B4GALT6: variants seen among roughly 807,000 people sequenced by gnomAD.
The protein encoded by B4GALT6 is UDP-Gal:beta-GlcNAc beta-1,4-galactosyltransferase 6.
B4GALT6 carries 14 observed loss-of-function variants against 46.3 expected under a neutral mutation model. That is an observed-to-expected ratio of 0.30 (90% CI 0.20 to 0.47). The LOEUF (loss-of-function observed/expected upper bound fraction) is 0.47, where lower values mean the gene tolerates loss of function less well. Among genes scored for constraint, B4GALT6 ranks in the 20% least tolerant of loss-of-function variants. The pLI, the probability that B4GALT6 is intolerant of heterozygous loss-of-function variation, is 0.99. For synonymous variants in B4GALT6, 168 were observed against 162.0 expected (o/e 1.04, Z -0.28); for missense variants, 386 against 480.1 (o/e 0.80, Z 1.83).
chr18:31,654,187 A>G (rs941317132), intron 3 of B4GALT6, among the ~76,000 whole-genome samples: 9 of 152,238 alleles, frequency 5.9e-5, no homozygotes, highest in Non-Finnish European at 1.3e-4. Flanking sequence ...TTCTATTTGA[A>G]TAAGAATTAA....
chr18:31,648,073 G>A (rs1005564229), intron 3 of B4GALT6, among the ~76,000 whole-genome samples: 1 of 152,146 alleles, frequency 6.6e-6, no homozygotes, highest in Non-Finnish European at 1.5e-5. Flanking sequence ...ACCATCAACT[G>A]GGCCAGTCCC....
At chr18:31,635,238 CAA>C (rs1428991344) in intron 5 of B4GALT6, among the ~76,000 whole-genome samples, 1 of 149,476 alleles carries the variant, frequency 6.7e-6, no homozygotes, top group East Asian at 2.0e-4. Context: ...ACAAAACAAA[CAA>C]ACAAACAAAA....
chr18:31,684,042 G>C (rs8089728), intron 1 of B4GALT6, among the ~76,000 whole-genome samples: 20,745 of 152,152 alleles, frequency 0.14, 1,539 homozygotes, highest in African/African-American at 0.18. Flanking sequence ...AGGGCATCCC[G>C]GGCCATCACA....
At chr18:31,637,207 G>A (rs1344192327) in intron 5 of B4GALT6, among the ~76,000 whole-genome samples, 1 of 152,194 alleles carries the variant, frequency 6.6e-6, no homozygotes, top group Non-Finnish European at 1.5e-5. Flanking sequence ...AATTAACTAT[G>A]TTAAAGAATT....
rs568302939 is a variant in B4GALT6, at chr18:31,659,226, A to G, written c.233-1137T>C. Among the ~76,000 whole-genome samples the G allele has an allele frequency of 2.6e-5, 4 of 152,350 alleles. No individual in the cohort carries two copies. In the South Asian group the frequency reaches 8.3e-4, roughly 32 times the overall value. ...TGAGTAATCTGCTCCAATGAGAGAC[A>G]ATGTAGAAGCTAAACCCTCTGACCA... On this transcript the variant is annotated intron_variant, in intron 2 of 8. Coordinates refer to ENST00000306851, the MANE Select transcript of B4GALT6 (RefSeq NM_004775.5).
chr18:31,641,873 A>C (rs2073934630), intron 4 of B4GALT6, among the ~76,000 whole-genome samples: 1 of 152,138 alleles, frequency 6.6e-6, no homozygotes, highest in Admixed American at 6.5e-5. Flanking sequence ...GTATCACATC[A>C]ATTTCTCCCA....
At chr18:31,633,574 C>T (rs1234682834) in intron 5 of B4GALT6, among the ~76,000 whole-genome samples, 2 of 152,154 alleles carry the variant, frequency 1.3e-5, no homozygotes, top group Non-Finnish European at 2.9e-5. Flanking sequence ...ATCTACCTAA[C>T]ACAGGATAAT....
upstream of B4GALT6, among the ~76,000 whole-genome samples, chr18:31,685,338 G>A (rs2074534529): frequency 1.3e-5 from 2 of 151,588 alleles, no homozygotes; most frequent in Admixed American, 6.6e-5. Flanking sequence ...AGCAGAGGCC[G>A]AGCGCCGTCG....
chr18:31,693,363 C>T, the B4GALT6 span, among the ~76,000 whole-genome samples: 44 of 152,100 alleles, frequency 2.9e-4, no homozygotes, highest in African/African-American at 1.1e-3. Flanking sequence ...GAGAAAAGTC[C>T]TATTAACAGA....
the B4GALT6 span, among the ~76,000 whole-genome samples, chr18:31,712,303 T>C: frequency 2.3e-5 from 3 of 132,498 alleles, no homozygotes; most frequent in Admixed American, 7.7e-5. Flanking sequence ...TTTTTTTTTT[T>C]TTTTTTTTTT....
chr18:31,625,976 T>C (rs2073691096), intron 8 of B4GALT6, among the ~76,000 whole-genome samples: 1 of 152,210 alleles, frequency 6.6e-6, no homozygotes, highest in Non-Finnish European at 1.5e-5. Context: ...TTTTGCACTT[T>C]TACAATTAGA....
At chr18:31,702,900 T>C in the B4GALT6 span, among the ~76,000 whole-genome samples, 2 of 152,144 alleles carry the variant, frequency 1.3e-5, no homozygotes, top group Non-Finnish European at 2.9e-5. Context: ...TGCAGCACAA[T>C]ACTTTTCAAA....
In B4GALT6 at chr18:31,650,571, C is replaced by T. The variant is rs117208405; in HGVS notation, c.347-5092G>A. On this transcript the variant is annotated intron_variant, in intron 3 of 8. Coordinates refer to ENST00000306851, the MANE Select transcript of B4GALT6 (RefSeq NM_004775.5). ...AGTGGCAGCAGGAGATGCTTCAAAG[C>T]GGTCTGAGCCTTGTTCTGGCTGCTC... 4.8e-3 allele frequency among the ~76,000 whole-genome samples: 730 copies of T among 152,316 alleles called. 11 individuals carry two copies. Among genetic ancestry groups the T allele is most frequent in the Admixed American group, 0.033 (498 of 15,298 alleles).
rs576398101 is a variant in B4GALT6, at chr18:31,626,023, G to A, written c.1001+260C>T. Reference sequence around the variant, plus strand: ...AATAAAACATTATGCTTTATGTTACGTAAATACTTTTACATAAATAGTTAA... The same window carrying A: ...AATAAAACATTATGCTTTATGTTACATAAATACTTTTACATAAATAGTTAA... On this transcript the variant is annotated intron_variant, in intron 8 of 8. Coordinates refer to ENST00000306851, the MANE Select transcript of B4GALT6 (RefSeq NM_004775.5). 1.8e-4 allele frequency among the ~76,000 whole-genome samples: 28 copies of A among 152,158 alleles called. No individual in the cohort carries two copies. The East Asian group carries it at 4.4e-3, about 24-fold the overall frequency.
At chr18:31,666,121 A>G in intron 2 of B4GALT6, 135 bp downstream of exon 2, 1 of 522,652 alleles carries the variant, frequency 1.9e-6, no homozygotes, top group Non-Finnish European at 3.4e-6. Context: ...TGCACAGTAA[A>G]ATAATCTACC....
At chr18:31,669,019 A>G (rs1435958799) in intron 1 of B4GALT6, among the ~76,000 whole-genome samples, 4 of 150,766 alleles carry the variant, frequency 2.7e-5, no homozygotes, top group African/African-American at 9.7e-5. Context: ...CTGTGTCAAA[A>G]AAAAAAAAAA....
intron 3 of B4GALT6, among the ~76,000 whole-genome samples, chr18:31,647,435 G>A (rs1223231566): frequency 6.6e-6 from 1 of 152,108 alleles, no homozygotes; most frequent in Non-Finnish European, 1.5e-5. Context: ...CCATGCCTGA[G>A]GTATCCTAAG....
At chr18:31,651,556 C>T (rs1173939169) in intron 3 of B4GALT6, among the ~76,000 whole-genome samples, 1 of 152,134 alleles carries the variant, frequency 6.6e-6, no homozygotes, top group Non-Finnish European at 1.5e-5. Context: ...CACACGGCCT[C>T]CTGCTTTACT....
the B4GALT6 span, among the ~76,000 whole-genome samples, chr18:31,715,515 A>G: frequency 7.0e-6 from 1 of 141,932 alleles, no homozygotes; most frequent in Non-Finnish European, 1.5e-5. Context: ...GGCATGAGCC[A>G]CAGCGCCTGG....
Sources: allele counts gnomAD v4.1 joint callset (sites outside exome capture counted in the v4.1 genomes callset), GRCh38; gene constraint gnomAD v4.1.1; transcripts MANE v1.5; gene names NCBI Gene and HGNC (gene_info 2026-07-23, HGNC 2026-07-21).